Variants in SUGCT observed in about 807,000 individuals in gnomAD.
SUGCT encodes the protein succinyl-CoA:glutarate CoA-transferase.
In SUGCT, 41 loss-of-function variants were observed where a neutral mutation model predicts 55.0. The ratio of observed to expected loss-of-function variants is 0.74; its 90% CI spans 0.58 to 0.97. SUGCT has a LOEUF of 0.97. SUGCT is among the 50% of genes least tolerant of loss of function. The pLI is 0.00. For missense variants in SUGCT, 568 were observed against 547.8 expected (o/e 1.04, Z -0.37); for synonymous variants, 187 against 200.4 (o/e 0.93, Z 0.56).
intron 12 of SUGCT, among the ~76,000 whole-genome samples, chr7:40,669,346 C>CAAA (rs33947436): frequency 6.6e-5 from 6 of 90,750 alleles, no homozygotes; most frequent in Admixed American, 2.4e-4. Context: ...GTGTAAGCTT[C>CAAA]AAAAAAAAAA....
intron 12 of SUGCT, among the ~76,000 whole-genome samples, chr7:40,588,538 T>A (rs1388586838): frequency 6.6e-6 from 1 of 152,202 alleles, no homozygotes; most frequent in Non-Finnish European, 1.5e-5. Context: ...ATGGTCACAT[T>A]TCTAACGATT....
chr7:40,464,294 A>G, intron 11 of SUGCT, among the ~76,000 whole-genome samples: 1 of 152,294 alleles, frequency 6.6e-6, no homozygotes, highest in East Asian at 1.9e-4. Flanking sequence ...AATTAGGAAA[A>G]TAAACACAGA....
At chr7:40,809,415 AGT>A (rs1230096110) in intron 13 of SUGCT, among the ~76,000 whole-genome samples, 1 of 152,140 alleles carries the variant, frequency 6.6e-6, no homozygotes, top group South Asian at 2.1e-4. Flanking sequence ...TATATATACA[AGT>A]GTGTGTGTGT....
chr7:40,635,143 G>A (rs1215118864), intron 12 of SUGCT, among the ~76,000 whole-genome samples: 1 of 151,918 alleles, frequency 6.6e-6, no homozygotes, highest in African/African-American at 2.4e-5. Context: ...AAAATTAGCT[G>A]GGCATGGTGG....
chr7:41,020,870 G>A, the SUGCT span, among the ~76,000 whole-genome samples: 1 of 152,216 alleles, frequency 6.6e-6, no homozygotes, highest in Non-Finnish European at 1.5e-5. Flanking sequence ...ATGAACCCCT[G>A]GACAGAGCAG....
At chr7:40,842,124 A>T (rs574353093) in intron 13 of SUGCT, among the ~76,000 whole-genome samples, 1 of 152,258 alleles carries the variant, frequency 6.6e-6, no homozygotes, top group South Asian at 2.1e-4. Flanking sequence ...GGAAGAAACA[A>T]TAAATAGGAA....
At chr7:40,853,087 AAAAG>A (rs1439878677) in intron 13 of SUGCT, among the ~76,000 whole-genome samples, 3 of 151,890 alleles carry the variant, frequency 2.0e-5, no homozygotes, top group African/African-American at 4.8e-5. Flanking sequence ...AAAAAAAAAA[AAAAG>A]AAAGAAAGTA....
intron 12 of SUGCT, among the ~76,000 whole-genome samples, chr7:40,738,594 T>C (rs1035299257): frequency 2.0e-5 from 3 of 152,230 alleles, no homozygotes; most frequent in African/African-American, 7.2e-5. Flanking sequence ...AATGCATTAC[T>C]GTTCAAGTCA....
At chr7:40,387,823 A>C (rs914983421) in intron 9 of SUGCT, 25 of 152,216 alleles carry the variant, frequency 1.6e-4, no homozygotes, top group African/African-American at 6.0e-4. Context: ...TATGCTAAGT[A>C]CTTTACATCT....
chr7:40,959,505 G>A, the SUGCT span, among the ~76,000 whole-genome samples: 26 of 152,120 alleles, frequency 1.7e-4, no homozygotes, highest in African/African-American at 6.0e-4. Flanking sequence ...AGTAATGGTG[G>A]ATGACCCTCC....
chr7:40,816,484 T>C (rs1791677291), intron 13 of SUGCT, among the ~76,000 whole-genome samples: 1 of 152,168 alleles, frequency 6.6e-6, no homozygotes, highest in African/African-American at 2.4e-5. Context: ...AGAGGGAGGC[T>C]TTCTGCCTCT....
Position 40,511,131 on chromosome 7 carries a change from A to G in SUGCT, c.1089+14745A>G, listed in dbSNP as rs139418545. Among the ~76,000 whole-genome samples the G allele has an allele frequency of 1.2e-4, 18 of 152,306 alleles. No homozygotes were observed. The East Asian group carries it at 3.5e-3, about 29-fold the overall frequency. On this transcript the variant is annotated intron_variant, in intron 12 of 13. Coordinates refer to ENST00000335693, the MANE Select transcript of SUGCT (RefSeq NM_001193313.2). ...CGTCATTACAGAGGAAAAAGTAATA[A>G]CCTTACTGTGGAAGAATCTTATAGA...
chr7:40,939,441 C>G, the SUGCT span, among the ~76,000 whole-genome samples: 2,240 of 152,154 alleles, frequency 0.015, 58 homozygotes, highest in Non-Finnish European at 0.017. Flanking sequence ...AATGGTAAAT[C>G]CTACTTTTAG....
chr7:40,436,434 C>T (rs1214634405), intron 9 of SUGCT, among the ~76,000 whole-genome samples: 1 of 152,126 alleles, frequency 6.6e-6, no homozygotes, highest in Admixed American at 6.6e-5. Flanking sequence ...ATATGATGAA[C>T]AGATATGCTT....
intron 8 of SUGCT, among the ~76,000 whole-genome samples, chr7:40,291,736 A>G (rs10244043): frequency 0.13 from 19,202 of 152,072 alleles, 1,598 homozygotes; most frequent in Middle Eastern, 0.2. Flanking sequence ...TACAATATGT[A>G]CTATGCTCAC....
At chr7:40,222,790 C>T (rs1015604925) in intron 6 of SUGCT, among the ~76,000 whole-genome samples, 1 of 151,958 alleles carries the variant, frequency 6.6e-6, no homozygotes, top group African/African-American at 2.4e-5. Flanking sequence ...CCTCCATGCC[C>T]AGCTAATTTT....
intron 6 of SUGCT, among the ~76,000 whole-genome samples, chr7:40,213,851 G>T (rs922461479): frequency 6.6e-6 from 1 of 152,034 alleles, no homozygotes; most frequent in South Asian, 2.1e-4. Flanking sequence ...GTTGACTTTT[G>T]TGTCTTTCTG....
At chr7:40,479,610 G>A (rs1050362881) in intron 11 of SUGCT, among the ~76,000 whole-genome samples, 4 of 152,100 alleles carry the variant, frequency 2.6e-5, no homozygotes, top group African/African-American at 9.7e-5. Flanking sequence ...TTCCCTGTTT[G>A]TCAAAATGGC....
chr7:40,904,981 G>A, the SUGCT span, among the ~76,000 whole-genome samples: 1 of 152,114 alleles, frequency 6.6e-6, no homozygotes, highest in African/African-American at 2.4e-5. Context: ...GGCATTTTTA[G>A]TGTGGTAAAT....
Sources: gnomAD v4.1 joint callset for allele counts (sites outside exome capture counted in the v4.1 genomes callset) on GRCh38, gnomAD v4.1.1 for gene constraint, MANE v1.5 for transcripts, NCBI Gene and HGNC (gene_info 2026-07-23, HGNC 2026-07-21) for gene names.